Variants in ZCCHC14 observed in about 807,000 individuals in gnomAD.
The protein encoded by ZCCHC14 is zinc finger CCHC-type containing 14, also known as zinc finger CCHC domain-containing protein 14.
Under a neutral mutation model 85.0 loss-of-function variants are expected in ZCCHC14, and 16 were observed. The observed-to-expected ratio is 0.19, with a 90% CI of 0.13 to 0.29. The LOEUF is 0.29. ZCCHC14 is among the 10% of genes least tolerant of loss of function. ZCCHC14 has a pLI of 1.00. For synonymous variants in ZCCHC14, 775 were observed against 630.7 expected (o/e 1.23, Z -3.43); for missense variants, 1,303 against 1,443.5 (o/e 0.90, Z 1.58).
intron 2 of ZCCHC14, among the ~76,000 whole-genome samples, chr16:87,455,492 C>G (rs545817436): frequency 6.6e-6 from 1 of 152,198 alleles, no homozygotes; most frequent in East Asian, 1.9e-4. Flanking sequence ...ATGGGGGGCT[C>G]ATAGAGGGCG....
chr16:87,444,537 G>A (rs1159522282), intron 2 of ZCCHC14, among the ~76,000 whole-genome samples: 1 of 152,184 alleles, frequency 6.6e-6, no homozygotes, highest in African/African-American at 2.4e-5. Flanking sequence ...CAGATAGCAT[G>A]AAAATTAATA....
chr16:87,442,817 A>G (rs1910249782), intron 2 of ZCCHC14, among the ~76,000 whole-genome samples: 2 of 152,268 alleles, frequency 1.3e-5, no homozygotes, highest in South Asian at 4.1e-4. Context: ...GGACTTTCGC[A>G]TCAGAAACCA....
At chr16:87,437,641 A>G (rs1292697497) in intron 2 of ZCCHC14, among the ~76,000 whole-genome samples, 1 of 152,212 alleles carries the variant, frequency 6.6e-6, no homozygotes, top group East Asian at 1.9e-4. Context: ...CTGAAGTAAG[A>G]ACACGAAGGA....
At chr16:87,416,912 G>A (rs1031535156) in intron 8 of ZCCHC14, among the ~76,000 whole-genome samples, 3 of 152,158 alleles carry the variant, frequency 2.0e-5, no homozygotes, top group South Asian at 2.1e-4. Context: ...CCACCAAGCC[G>A]GTTTGCCCAG....
At chr16:87,477,142 C>CAAAA (rs1567542354) in intron 1 of ZCCHC14, among the ~76,000 whole-genome samples, 6 of 78,606 alleles carry the variant, frequency 7.6e-5, no homozygotes, top group African/African-American at 2.7e-4. Context: ...AAAAAAAAAA[C>CAAAA]AAAACAAAAC....
intron 1 of ZCCHC14, among the ~76,000 whole-genome samples, chr16:87,481,626 G>C (rs1454242275): frequency 6.7e-6 from 1 of 149,176 alleles, no homozygotes; most frequent in Non-Finnish European, 1.5e-5. Flanking sequence ...AGACCCTGAG[G>C]GAACACTGAA....
chr16:87,415,615 T>C (rs1414911504), intron 8 of ZCCHC14, among the ~76,000 whole-genome samples: 2 of 152,204 alleles, frequency 1.3e-5, no homozygotes, highest in Non-Finnish European at 2.9e-5. Context: ...GCACCTTCTG[T>C]GCAGGCTGTG....
intron 3 of ZCCHC14, among the ~76,000 whole-genome samples, chr16:87,432,784 A>T (rs1376149335): frequency 6.6e-6 from 1 of 152,182 alleles, no homozygotes; most frequent in East Asian, 1.9e-4. Context: ...AGCTTTCATC[A>T]TCAGTCTCCA....
intron 2 of ZCCHC14, among the ~76,000 whole-genome samples, chr16:87,435,070 A>G (rs558275191): frequency 2.0e-5 from 3 of 151,460 alleles, no homozygotes; most frequent in African/African-American, 7.3e-5. Context: ...GTCAATGTAC[A>G]TTAGGATATT....
At chr16:87,461,183 C>G (rs969430897) in intron 1 of ZCCHC14, among the ~76,000 whole-genome samples, 11 of 152,198 alleles carry the variant, frequency 7.2e-5, no homozygotes, top group Non-Finnish European at 2.9e-5. Flanking sequence ...AAACAAGCCA[C>G]GGGCTAGCCA....
chr16:87,467,582 T>C lies in ZCCHC14; in HGVS notation c.571-7451A>G, dbSNP rs746713855. On this transcript the variant is annotated intron_variant, in intron 1 of 12. Transcript: ENST00000671377. ...CACCAATTCCCGTTGGTTCTGAAAA[T>C]TGGAATAGGTGTCAAGGATCTGGAG... 61 of 1,453,486 alleles carry C rather than the reference T, an allele frequency of 4.2e-5. 1 individual carries two copies. In the South Asian group the frequency reaches 4.2e-4, roughly 10 times the overall value. The allele number at this position is 1,453,486 out of a possible 1,614,324, so 90.0% of individuals were successfully genotyped here.
At chr16:87,442,319 C>T (rs1910225506) in intron 2 of ZCCHC14, among the ~76,000 whole-genome samples, 1 of 152,176 alleles carries the variant, frequency 6.6e-6, no homozygotes, top group Admixed American at 6.5e-5. Context: ...CAGAACCCAA[C>T]CAGGTCAACT....
chr16:87,412,081 G>A lies in ZCCHC14; in HGVS notation c.2640C>T (p.Phe880=), dbSNP rs1908484321. The A allele has an allele frequency of 3.7e-6, 6 of 1,612,546 alleles. No homozygotes were observed. Among genetic ancestry groups the A allele is most frequent in the Non-Finnish European group, 4.2e-6 (5 of 1,180,040 alleles). Residue 880 remains phenylalanine (F), a synonymous_variant, in exon 12 of 13, where the codon TTC becomes TTT. Coordinates refer to ENST00000671377, the MANE Select transcript of ZCCHC14 (RefSeq NM_015144.3). ...PALSSVPESS[F]YSSSGGGGST... ...AGCCGCCACCGCCACTGCTGCTATA[G>A]AAACTGCTTTCAGGGACGGAGGACA...
intron 2 of ZCCHC14, among the ~76,000 whole-genome samples, chr16:87,442,710 C>T (rs1245824277): frequency 3.3e-5 from 5 of 152,316 alleles, no homozygotes; most frequent in African/African-American, 9.6e-5. Flanking sequence ...CACCCACACA[C>T]GTCATAAGCA....
In ZCCHC14 at chr16:87,491,707, G is replaced by T; in HGVS notation, c.532C>A (p.Pro178Thr). 1.3e-6 allele frequency: 2 copies of T among 1,495,388 alleles called. No individual in the cohort carries two copies. Among genetic ancestry groups the T allele is most frequent in the Non-Finnish European group, 1.8e-6 (2 of 1,130,270 alleles). 92.6% of individuals were successfully genotyped at this position (1,495,388 alleles called of 1,614,324 possible). A position where few individuals can be genotyped will look rare whatever the true frequency, so the allele number is the denominator to read the frequency against. The change falls in exon 1 of 13, where the codon CCG (proline) becomes ACG (threonine). Residue 178 changes from proline (P) to threonine (T), a missense_variant. Physicochemically the swap from Pro to Thr is conservative, Grantham distance 38 (BLOSUM62 -1). This residue lies in a region of ZCCHC14 where 389 missense variants were observed against 397.8 expected (regional missense o/e 0.98). Coordinates refer to ENST00000671377, the MANE Select transcript of ZCCHC14 (RefSeq NM_015144.3). This position sits in a 1 kb window ranked among gnomAD's most constrained non-coding sequence, Gnocchi z 5.9. ...GGHGGKGAPG[P>T]GGALPTCPAC... ...GGGCAAGTGGGCAGCGCGCCGCCCGGCCCGGGCGCGCCCTTGCCGCCGTGG... is the reference window on the plus strand; with the variant it reads ...GGGCAAGTGGGCAGCGCGCCGCCCGTCCCGGGCGCGCCCTTGCCGCCGTGG...
At chr16:87,439,812 A>G (rs1029283100) in intron 2 of ZCCHC14, among the ~76,000 whole-genome samples, 2 of 152,240 alleles carry the variant, frequency 1.3e-5, no homozygotes, top group African/African-American at 2.4e-5. Context: ...TGTATCTTAT[A>G]TATCTAATTC....
chr16:87,438,376 A>G (rs748473280), intron 2 of ZCCHC14, among the ~76,000 whole-genome samples: 9 of 152,260 alleles, frequency 5.9e-5, no homozygotes. Context: ...GGCTCTTTCA[A>G]TAAAACTATG....
Position 87,410,124 on chromosome 16 carries a change from T to C in ZCCHC14, c.*156A>G, listed in dbSNP as rs574230009. ...GGTTTTGGCAATAAATCGAGTTTGATGCACTTCTACGCTAGATTTTCTATC... is the reference window on the plus strand; with the variant it reads ...GGTTTTGGCAATAAATCGAGTTTGACGCACTTCTACGCTAGATTTTCTATC... On this transcript the variant is annotated 3_prime_UTR_variant, in exon 13 of 13. Coordinates refer to ENST00000671377, the MANE Select transcript of ZCCHC14 (RefSeq NM_015144.3). 9.5e-6 allele frequency: 5 copies of C among 528,382 alleles called. No homozygotes were observed. The highest frequency in any genetic ancestry group is 7.8e-5 in the African/African-American group (4 of 51,152). 32.7% of individuals were successfully genotyped at this position (528,382 alleles called of 1,614,324 possible).
At chr16:87,450,987 C>G (rs1156482404) in intron 2 of ZCCHC14, among the ~76,000 whole-genome samples, 2 of 152,122 alleles carry the variant, frequency 1.3e-5, no homozygotes, top group African/African-American at 4.8e-5. Flanking sequence ...CAACCTCTGC[C>G]TCCTGGGTTC....
Sources: gnomAD v4.1 joint callset for allele counts (sites outside exome capture counted in the v4.1 genomes callset) on GRCh38, gnomAD v4.1.1 for gene constraint, gnomAD v4.1.1 regional missense constraint, Gnocchi (gnomAD v3.1) non-coding constraint, MANE v1.5 for transcripts, NCBI Gene and HGNC (gene_info 2026-07-23, HGNC 2026-07-21) for gene names.